TMTC4: variants seen among roughly 807,000 people sequenced by gnomAD.
The protein encoded by TMTC4 is protein O-mannosyl-transferase TMTC4.
TMTC4 carries 65 observed loss-of-function variants against 86.0 expected under a neutral mutation model. The ratio of observed to expected loss-of-function variants is 0.76; its 90% CI spans 0.62 to 0.93. TMTC4 has a LOEUF of 0.93. TMTC4 is among the 40% of genes least tolerant of loss of function. The pLI, the probability that TMTC4 is intolerant of heterozygous loss-of-function variation, is 0.00. For synonymous variants in TMTC4, 379 were observed against 382.5 expected (o/e 0.99, Z 0.11); for missense variants, 866 against 948.1 (o/e 0.91, Z 1.14).
chr13:100,615,401 G>T (rs150873301), intron 15 of TMTC4, among the ~76,000 whole-genome samples: 1 of 151,578 alleles, frequency 6.6e-6, no homozygotes, highest in Non-Finnish European at 1.5e-5. Flanking sequence ...TCAGCCTCCC[G>T]AAGTGCTGGG....
At chr13:100,656,598 A>G in intron 5 of TMTC4, 130 bp from the exon 6 acceptor site, 1 of 633,410 alleles carries the variant, frequency 1.6e-6, no homozygotes, top group South Asian at 2.1e-5. Context: ...GCTGGAGTGC[A>G]GCAGTGTGAT....
At chr13:100,668,391 G>A (rs745633689) in intron 3 of TMTC4, 188 bp downstream of exon 3, 3 of 620,026 alleles carry the variant, frequency 4.8e-6, no homozygotes, top group East Asian at 2.9e-5. Flanking sequence ...CAGAACCTTG[G>A]TGCCAGCAAT....
At chr13:100,622,371 TA>T (rs760095626) in intron 15 of TMTC4, among the ~76,000 whole-genome samples, 5 of 152,152 alleles carry the variant, frequency 3.3e-5, no homozygotes, top group Non-Finnish European at 5.9e-5. Flanking sequence ...TTTTGAGTAA[TA>T]AAAATGCGGT....
intron 15 of TMTC4, chr13:100,623,970 C>G: frequency 4.9e-6 from 2 of 407,168 alleles, no homozygotes; most frequent in Non-Finnish European, 9.6e-6. Context: ...TGGGTCCAGT[C>G]TCTTCCTTGC....
intron 17 of TMTC4, among the ~76,000 whole-genome samples, chr13:100,611,116 G>T (rs1877495952): frequency 6.6e-6 from 1 of 152,210 alleles, no homozygotes; most frequent in Non-Finnish European, 1.5e-5. Flanking sequence ...CAGAAAAAGA[G>T]AAGTGAATAA....
intron 12 of TMTC4, among the ~76,000 whole-genome samples, chr13:100,632,117 C>T (rs996039833): frequency 2.0e-5 from 3 of 149,552 alleles, no homozygotes; most frequent in Non-Finnish European, 4.5e-5. Context: ...TACTTACGTG[C>T]ATTCCCACAA....
intron 16 of TMTC4, among the ~76,000 whole-genome samples, chr13:100,614,105 C>G (rs551857198): frequency 7.8e-4 from 119 of 152,120 alleles, no homozygotes; most frequent in Non-Finnish European, 1.5e-3. Context: ...TCCCAAAGCG[C>G]TGGGATTACA....
At chr13:100,664,441 T>G (rs950936481) in intron 3 of TMTC4, 105 bp from the exon 4 acceptor site, 22 of 713,452 alleles carry the variant, frequency 3.1e-5, no homozygotes, top group African/African-American at 2.7e-4. Flanking sequence ...CTAGCGGGGA[T>G]GCTGTGCCCA....
In TMTC4 at chr13:100,663,101, C is replaced by G. The variant is rs754260618; in HGVS notation, c.415G>C (p.Val139Leu). 1 of 1,614,204 alleles carries G rather than the reference C, an allele frequency of 6.2e-7. No homozygotes were observed. The highest frequency in any genetic ancestry group is 2.2e-5 in the East Asian group (1 of 44,878). The part of the protein sequence containing the change: ...VNILLHSGIS[V>L]LMVDVFSVLF... Reference sequence around the variant, plus strand: ...ACCGAGAAGACGTCCACCATGAGGACAGAGATGCCACTGTGCAGGAGGATG... The same window carrying G: ...ACCGAGAAGACGTCCACCATGAGGAGAGAGATGCCACTGTGCAGGAGGATG... The change falls in exon 5 of 19, where the codon GTC becomes CTC. Residue 139 changes from valine to leucine, a missense_variant. By Grantham distance (32) the Val-to-Leu change is conservative. Transcript: ENST00000342624.
chr13:100,663,744 C>A (rs1348497252), intron 4 of TMTC4, among the ~76,000 whole-genome samples: 2 of 152,150 alleles, frequency 1.3e-5, no homozygotes, highest in Non-Finnish European at 2.9e-5. Flanking sequence ...TGTTTAAATG[C>A]ACCCGAGGAG....
intron 12 of TMTC4, among the ~76,000 whole-genome samples, chr13:100,628,299 G>C (rs1320122910): frequency 1.3e-5 from 2 of 152,162 alleles, no homozygotes; most frequent in African/African-American, 4.8e-5. Flanking sequence ...TACAGGATTT[G>C]TCCATTTGTG....
chr13:100,623,635 G>C lies in TMTC4; in HGVS notation c.1836+1900C>G, dbSNP rs571615505. Among the ~76,000 whole-genome samples the C allele has an allele frequency of 1.0e-3, 129 of 125,540 alleles. 1 individual carries two copies. The highest frequency in any genetic ancestry group is 2.6e-4 in the Non-Finnish European group (16 of 61,236). The allele number at this position is 125,540 out of a possible 152,430, so 82.4% of individuals were successfully genotyped here. A position where few individuals can be genotyped will look rare whatever the true frequency, so the allele number is the denominator to read the frequency against. ...TGCATGTCAGTTTTGGAAACTACTA[G>C]TTGGGTTTTGTTTTTTTTTTTTTTT... On this transcript the variant is annotated intron_variant, in intron 15 of 18. Transcript: ENST00000342624.
chr13:100,662,092 G>A (rs527313022), intron 5 of TMTC4, among the ~76,000 whole-genome samples: 6 of 151,996 alleles, frequency 3.9e-5, no homozygotes, highest in African/African-American at 1.4e-4. Flanking sequence ...GCGATGGGAT[G>A]GAGATGCAGC....
At chr13:100,670,138 G>T in intron 2 of TMTC4, 1 of 500,828 alleles carries the variant, frequency 2.0e-6, no homozygotes, top group Non-Finnish European at 3.5e-6. Flanking sequence ...TTTACTAAGG[G>T]ACCTGGACCC....
At chr13:100,607,737 C>A (rs1351629323) in intron 17 of TMTC4, among the ~76,000 whole-genome samples, 1 of 152,010 alleles carries the variant, frequency 6.6e-6, no homozygotes, top group Admixed American at 6.6e-5. Flanking sequence ...TGTGGGGGAC[C>A]ATCTCCAAAA....
rs1876171770 is a variant in TMTC4, at chr13:100,603,744, G to A, written c.*1250C>T. Reference sequence around the variant, plus strand: ...AGTCCAGAGAATCACATTCCTCTCAGTGTGGATCTACTCGCTCTGTTCTCT... The same window carrying A: ...AGTCCAGAGAATCACATTCCTCTCAATGTGGATCTACTCGCTCTGTTCTCT... On this transcript the variant is annotated 3_prime_UTR_variant, in exon 19 of 19. Coordinates refer to ENST00000342624, the MANE Select transcript of TMTC4 (RefSeq NM_032813.5). Among the ~76,000 whole-genome samples the A allele has an allele frequency of 6.6e-6, 1 of 152,180 alleles. No individual in the cohort carries two copies. The highest frequency in any genetic ancestry group is 2.4e-5 in the African/African-American group (1 of 41,436).
At chr13:100,631,745 T>C (rs1032463484) in intron 12 of TMTC4, among the ~76,000 whole-genome samples, 17 of 152,074 alleles carry the variant, frequency 1.1e-4, no homozygotes, top group African/African-American at 2.9e-4. Flanking sequence ...ATGAAACCAG[T>C]ATAGAAAATG....
intron 17 of TMTC4, among the ~76,000 whole-genome samples, chr13:100,607,387 C>T (rs866382780): frequency 6.6e-6 from 1 of 152,148 alleles, no homozygotes. Flanking sequence ...TGTGGTAGTA[C>T]GTGCCTGTAA....
At chr13:100,662,828 G>A (rs2139030733) in intron 5 of TMTC4, 136 bp downstream of exon 5, 2 of 833,798 alleles carry the variant, frequency 2.4e-6, no homozygotes, top group Non-Finnish European at 3.9e-6. Flanking sequence ...TCTAGAGTAT[G>A]TTGTGGAGTA....
Sources: allele counts gnomAD v4.1 joint callset (sites outside exome capture counted in the v4.1 genomes callset), GRCh38; gene constraint gnomAD v4.1.1; transcripts MANE v1.5; gene names NCBI Gene and HGNC (gene_info 2026-07-23, HGNC 2026-07-21).